RNLS: variants seen among roughly 807,000 people sequenced by gnomAD.
RNLS encodes renalase, FAD dependent amine oxidase.
RNLS carries 39 observed loss-of-function variants against 39.8 expected under a neutral mutation model. The ratio of observed to expected loss-of-function variants is 0.98; its 90% CI spans 0.76 to 1.28. The LOEUF is 1.28. RNLS is among the 50% of genes most tolerant of loss of function. The probability of loss-of-function intolerance (pLI) is 0.00; values close to 1 mark genes in which losing one functional copy is unlikely to be tolerated. For missense variants in RNLS, 410 were observed against 413.3 expected (o/e 0.99, Z 0.07); for synonymous variants, 147 against 150.7 (o/e 0.98, Z 0.18).
At chr10:88,221,380 C>A in the RNLS span, among the ~76,000 whole-genome samples, 4 of 152,160 alleles carry the variant, frequency 2.6e-5, no homozygotes. Flanking sequence ...AGACCTTGAA[C>A]TGTCGTCTTT....
chr10:88,573,689 G>T (rs973941361), intron 3 of RNLS, among the ~76,000 whole-genome samples: 1 of 152,168 alleles, frequency 6.6e-6, no homozygotes, highest in African/African-American at 2.4e-5. Context: ...TTCCTTCTTA[G>T]CACTTAACAC....
At chr10:88,365,178 A>G (rs78570016) in intron 4 of RNLS, among the ~76,000 whole-genome samples, 2 of 152,194 alleles carry the variant, frequency 1.3e-5, no homozygotes, top group African/African-American at 4.8e-5. Flanking sequence ...TTCCGAGAAC[A>G]GGGAGGTGAG....
At chr10:88,338,442 T>A (rs1847667372) in intron 5 of RNLS, among the ~76,000 whole-genome samples, 5 of 152,250 alleles carry the variant, frequency 3.3e-5, no homozygotes, top group Admixed American at 2.6e-4. Flanking sequence ...ATGTATGCAA[T>A]TCACATACTG....
intron 4 of RNLS, among the ~76,000 whole-genome samples, chr10:88,454,112 C>T (rs753099472): frequency 6.6e-6 from 1 of 152,094 alleles, no homozygotes; most frequent in Non-Finnish European, 1.5e-5. Flanking sequence ...GAAATACCAA[C>T]ACTTATGGGC....
chr10:88,402,424 G>A (rs975501860), intron 4 of RNLS, among the ~76,000 whole-genome samples: 3 of 149,992 alleles, frequency 2.0e-5, no homozygotes, highest in African/African-American at 7.4e-5. Flanking sequence ...AGTGTATCAT[G>A]TCTCTGGAAA....
At chr10:88,366,662 T>TGAAAA (rs1850127525) in intron 4 of RNLS, among the ~76,000 whole-genome samples, 1 of 32,248 alleles carries the variant, frequency 3.1e-5, no homozygotes, top group East Asian at 5.9e-4. Flanking sequence ...GTAAGTTTTC[T>TGAAAA]GAAAAAAAAA....
the RNLS span, among the ~76,000 whole-genome samples, chr10:88,200,803 ACT>A: frequency 1.3e-5 from 2 of 152,012 alleles, no homozygotes; most frequent in African/African-American, 2.4e-5. Context: ...TGCAAGGGTC[ACT>A]CTGAATACCA....
the RNLS span, among the ~76,000 whole-genome samples, chr10:88,258,180 G>A: frequency 1.0e-3 from 154 of 152,266 alleles, no homozygotes; most frequent in African/African-American, 3.4e-3. Flanking sequence ...GGGTTAGAGG[G>A]CAAAATGTTA....
At chr10:88,453,483 G>A (rs1421414281) in intron 4 of RNLS, among the ~76,000 whole-genome samples, 1 of 152,142 alleles carries the variant, frequency 6.6e-6, no homozygotes, top group Non-Finnish European at 1.5e-5. Context: ...TGATTGAATG[G>A]CAGTTCAAGC....
chr10:88,473,879 T>A lies in RNLS; in HGVS notation c.526+99024A>T, dbSNP rs533293765. 4.6e-5 allele frequency among the ~76,000 whole-genome samples: 7 copies of A among 152,256 alleles called. 1 individual carries two copies. Among genetic ancestry groups the A allele is most frequent in the African/African-American group, 9.6e-5 (4 of 41,562 alleles). On this transcript the variant is annotated intron_variant, in intron 4 of 6. Transcript: ENST00000331772. The stretch of plus-strand genomic sequence containing the variant: ...TTCACCAAGCTTCTCTCTTTCCTCC[T>A]TCTTTTCCTTTCATAAATGAGTCTT...
intron 4 of RNLS, among the ~76,000 whole-genome samples, chr10:88,494,150 G>T (rs1345452200): frequency 2.0e-5 from 3 of 152,258 alleles, no homozygotes; most frequent in Admixed American, 6.6e-5. Flanking sequence ...AGCAAGAGTT[G>T]AGGATATTCA....
intron 4 of RNLS, among the ~76,000 whole-genome samples, chr10:88,550,808 A>G (rs986258994): frequency 6.6e-6 from 1 of 152,188 alleles, no homozygotes; most frequent in African/African-American, 2.4e-5. Flanking sequence ...GCCTCTTCAG[A>G]GAATCATTTT....
At chr10:88,201,999 G>A in the RNLS span, among the ~76,000 whole-genome samples, 7 of 152,178 alleles carry the variant, frequency 4.6e-5, no homozygotes, top group Admixed American at 6.5e-5. Flanking sequence ...ACATGCACAC[G>A]TATGTTTATT....
chr10:88,503,044 C>T (rs761981221), intron 4 of RNLS, among the ~76,000 whole-genome samples: 3 of 152,124 alleles, frequency 2.0e-5, no homozygotes, highest in Non-Finnish European at 4.4e-5. Flanking sequence ...CATTTTTTAT[C>T]TATCACTACC....
the RNLS span, among the ~76,000 whole-genome samples, chr10:88,248,821 G>A: frequency 6.6e-6 from 1 of 152,176 alleles, no homozygotes; most frequent in Non-Finnish European, 1.5e-5. Flanking sequence ...TGCAACTGCA[G>A]TTTTCTTGTC....
At chr10:88,434,156 T>C (rs140887251) in intron 4 of RNLS, among the ~76,000 whole-genome samples, 1 of 152,278 alleles carries the variant, frequency 6.6e-6, no homozygotes, top group African/African-American at 2.4e-5. Flanking sequence ...CGAGGCCATA[T>C]TGGAAATCTT....
intron 4 of RNLS, among the ~76,000 whole-genome samples, chr10:88,429,307 A>G (rs1274409483): frequency 6.6e-6 from 1 of 152,000 alleles, no homozygotes; most frequent in African/African-American, 2.4e-5. Context: ...GATGATATAT[A>G]GAAAATCCAT....
At chr10:88,268,659 C>T in the RNLS span, among the ~76,000 whole-genome samples, 1 of 152,202 alleles carries the variant, frequency 6.6e-6, no homozygotes, top group Non-Finnish European at 1.5e-5. Context: ...ATCTCCATCT[C>T]TTGGCTCTCC....
In RNLS at chr10:88,325,497, G is replaced by A. The variant is rs1452109384; in HGVS notation, c.701-10856C>T. On this transcript the variant is annotated intron_variant, in intron 5 of 6. Transcript: ENST00000331772. ...GAGCACTAAGATTTAGAAGGCTCAA[G>A]CATTAAATACTTACAATCAAAAGCT... is the stretch of plus-strand genomic sequence containing the variant. Among the ~76,000 whole-genome samples, 3 of 152,122 alleles carry A rather than the reference G, an allele frequency of 2.0e-5. No homozygotes were observed. The East Asian group carries it at 5.8e-4, about 29-fold the overall frequency.
Sources: allele counts gnomAD v4.1 joint callset (sites outside exome capture counted in the v4.1 genomes callset), GRCh38; gene constraint gnomAD v4.1.1; transcripts MANE v1.5; gene names NCBI Gene and HGNC (gene_info 2026-07-23, HGNC 2026-07-21).